Variants in ABTB3 observed in about 807,000 individuals in gnomAD.
ABTB3 encodes the protein ankyrin repeat and BTB domain containing 3.
the ABTB3 span, chr12:107,651,632 T>C: frequency 6.9e-7 from 1 of 1,449,170 alleles, no homozygotes; most frequent in Non-Finnish European, 9.7e-7. Context: ...CTCCTTTCCA[T>C]CCACCTCCCA....
At chr12:107,340,602 T>G in the ABTB3 span, among the ~76,000 whole-genome samples, 6 of 149,474 alleles carry the variant, frequency 4.0e-5, no homozygotes, top group African/African-American at 1.5e-4. Context: ...TGACTCCTCG[T>G]TTTTTTTTCA....
At chr12:107,449,974 C>T in the ABTB3 span, among the ~76,000 whole-genome samples, 1 of 152,106 alleles carries the variant, frequency 6.6e-6, no homozygotes, top group Non-Finnish European at 1.5e-5. Context: ...AGACATGAGG[C>T]TTAACTGAGA....
chr12:107,341,382 C>A, the ABTB3 span, among the ~76,000 whole-genome samples: 3 of 152,106 alleles, frequency 2.0e-5, no homozygotes, highest in Non-Finnish European at 4.4e-5. Context: ...ACTGCCCCAA[C>A]CCCGTGAGGC....
chr12:107,489,070 T>C, the ABTB3 span, among the ~76,000 whole-genome samples: 543 of 152,322 alleles, frequency 3.6e-3, 5 homozygotes, highest in African/African-American at 0.012. Context: ...TTTCTTCACA[T>C]GTTATTTGGC....
chr12:107,515,868 C>CCATT, the ABTB3 span, among the ~76,000 whole-genome samples: 1 of 152,174 alleles, frequency 6.6e-6, no homozygotes, highest in East Asian at 1.9e-4. Context: ...CCATGTCGAC[C>CCATT]CATTAGTGGA....
the ABTB3 span, among the ~76,000 whole-genome samples, chr12:107,637,786 T>TGTGTG: frequency 1.3e-4 from 19 of 144,742 alleles, no homozygotes; most frequent in African/African-American, 4.9e-4. Flanking sequence ...AGCACTGATT[T>TGTGTG]TGTGTGTGTG....
At chr12:107,432,918 C>T in the ABTB3 span, among the ~76,000 whole-genome samples, 1 of 152,182 alleles carries the variant, frequency 6.6e-6, no homozygotes, top group Admixed American at 6.5e-5. Context: ...TCCTTCTCCA[C>T]AGCCCACTCA....
the ABTB3 span, among the ~76,000 whole-genome samples, chr12:107,528,871 G>T: frequency 2.0e-5 from 3 of 151,080 alleles, no homozygotes; most frequent in African/African-American, 7.3e-5. Flanking sequence ...TATGGTGATA[G>T]TGATGATGAT....
At chr12:107,507,605 A>T in the ABTB3 span, among the ~76,000 whole-genome samples, 1 of 152,098 alleles carries the variant, frequency 6.6e-6, no homozygotes, top group African/African-American at 2.4e-5. Context: ...GAGCCCCTCG[A>T]TGCTCCCCTC....
the ABTB3 span, among the ~76,000 whole-genome samples, chr12:107,570,439 T>C: frequency 6.6e-6 from 1 of 152,156 alleles, no homozygotes; most frequent in African/African-American, 2.4e-5. Context: ...GGTCTCGAAC[T>C]CCTAACCTCA....
At chr12:107,657,864 A>AAAAC in the ABTB3 span, 2 of 763,810 alleles carry the variant, frequency 2.6e-6, no homozygotes, top group Non-Finnish European at 4.3e-6. Context: ...TTCCTGTTGA[A>AAAAC]AAACAAAGGA....
the ABTB3 span, among the ~76,000 whole-genome samples, chr12:107,583,311 T>C: frequency 6.6e-6 from 1 of 152,348 alleles, no homozygotes; most frequent in South Asian, 2.1e-4. Flanking sequence ...GGTATTATTC[T>C]ATAATTTTGG....
chr12:107,598,372 A>G, the ABTB3 span, among the ~76,000 whole-genome samples: 12 of 152,338 alleles, frequency 7.9e-5, no homozygotes, highest in African/African-American at 2.6e-4. Flanking sequence ...AATGTTACCC[A>G]TGCCACTTCT....
At chr12:107,349,007 G>C in the ABTB3 span, among the ~76,000 whole-genome samples, 1 of 152,130 alleles carries the variant, frequency 6.6e-6, no homozygotes, top group South Asian at 2.1e-4. Flanking sequence ...CTTCCATCTT[G>C]CACTGTGGTT....
At chr12:107,523,921 T>G in the ABTB3 span, among the ~76,000 whole-genome samples, 10 of 152,190 alleles carry the variant, frequency 6.6e-5, no homozygotes. Context: ...CCACACACAC[T>G]GTCCCTAAGG....
the ABTB3 span, among the ~76,000 whole-genome samples, chr12:107,455,413 T>A: frequency 1.3e-5 from 2 of 152,092 alleles, no homozygotes; most frequent in African/African-American, 4.8e-5. Flanking sequence ...GTGGGGGATC[T>A]TACAAGATCT....
chr12:107,471,697 T>C, the ABTB3 span, among the ~76,000 whole-genome samples: 2 of 152,144 alleles, frequency 1.3e-5, no homozygotes, highest in African/African-American at 2.4e-5. Context: ...TTCCCCTCCA[T>C]GACCCCCCAG....
At chr12:107,651,558 C>A in the ABTB3 span, 1 of 669,222 alleles carries the variant, frequency 1.5e-6, no homozygotes, top group Non-Finnish European at 2.7e-6. Flanking sequence ...CGTCCCCTAC[C>A]TGTGACACTG....
At chr12:107,629,290 G>A in the ABTB3 span, among the ~76,000 whole-genome samples, 3 of 152,236 alleles carry the variant, frequency 2.0e-5, no homozygotes, top group Admixed American at 2.0e-4. Context: ...GGGCACAGTG[G>A]TGCACACCTG....
Sources: gnomAD v4.1 joint callset for allele counts (sites outside exome capture counted in the v4.1 genomes callset) on GRCh38, gnomAD v4.1.1 for gene constraint, MANE v1.5 for transcripts, NCBI Gene and HGNC (gene_info 2026-07-23, HGNC 2026-07-21) for gene names.